The following FHIT variants were observed in gnomAD, a reference collection of about 807,000 sequenced individuals.
The protein encoded by FHIT is fragile histidine triad diadenosine triphosphatase, also known as bis(5'-adenosyl)-triphosphatase.
A neutral mutation model predicts 17.9 loss-of-function variants in FHIT; 19 were observed. That is an observed-to-expected ratio of 1.06 (90% confidence interval 0.74 to 1.56). The LOEUF (loss-of-function observed/expected upper bound fraction) is 1.56, where lower values mean the gene tolerates loss of function less well. Among genes scored for constraint, FHIT ranks in the 40% most tolerant of loss-of-function variants. FHIT has a pLI of 0.00. For missense variants in FHIT, 248 were observed against 189.2 expected (o/e 1.31, Z -1.82); for synonymous variants, 81 against 69.7 (o/e 1.16, Z -0.81).
chr3:61,216,877 A>T (rs940770544), intron 1 of FHIT, among the ~76,000 whole-genome samples: 3 of 152,116 alleles, frequency 2.0e-5, no homozygotes, highest in African/African-American at 4.8e-5. Flanking sequence ...CATCATTCTC[A>T]GTAAACTATC....
intron 5 of FHIT, among the ~76,000 whole-genome samples, chr3:60,233,748 T>C (rs1348607643): frequency 6.6e-6 from 1 of 152,072 alleles, no homozygotes; most frequent in African/African-American, 2.4e-5. Flanking sequence ...AATTGAATCA[T>C]GGGGGCAGGT....
chr3:60,043,110 G>T (rs1027390536), intron 5 of FHIT, among the ~76,000 whole-genome samples: 2 of 152,150 alleles, frequency 1.3e-5, no homozygotes, highest in East Asian at 3.9e-4. Flanking sequence ...AGGACTTTGG[G>T]CTTCTACTTC....
At chr3:60,788,976 C>A (rs1207339923) in intron 4 of FHIT, among the ~76,000 whole-genome samples, 1 of 151,156 alleles carries the variant, frequency 6.6e-6, no homozygotes, top group Non-Finnish European at 1.5e-5. Context: ...ATATGTATCC[C>A]CAGAAGAAAG....
chr3:60,719,111 G>A (rs1170225062), intron 4 of FHIT, among the ~76,000 whole-genome samples: 1 of 152,140 alleles, frequency 6.6e-6, no homozygotes. Flanking sequence ...CTCTCCATTG[G>A]CCTTAGCTCT....
chr3:60,987,467 C>A (rs937422970), intron 3 of FHIT, among the ~76,000 whole-genome samples: 1 of 152,182 alleles, frequency 6.6e-6, no homozygotes, highest in African/African-American at 2.4e-5. Flanking sequence ...ACTAGCCCAA[C>A]CTATTCCTTT....
intron 5 of FHIT, among the ~76,000 whole-genome samples, chr3:60,413,071 A>G (rs1403371965): frequency 6.6e-6 from 1 of 152,116 alleles, no homozygotes; most frequent in Non-Finnish European, 1.5e-5. Flanking sequence ...GCAGTGTGAA[A>G]ATGGACTAAC....
chr3:60,956,904 T>C (rs1360918323), intron 3 of FHIT, among the ~76,000 whole-genome samples: 1 of 142,622 alleles, frequency 7.0e-6, no homozygotes, highest in Non-Finnish European at 1.5e-5. Flanking sequence ...ATTGTGAATA[T>C]TTCAGTTTCG....
At chr3:60,714,281 T>C (rs553710461) in intron 4 of FHIT, among the ~76,000 whole-genome samples, 25 of 152,154 alleles carry the variant, frequency 1.6e-4, no homozygotes, top group Admixed American at 4.6e-4. Flanking sequence ...ATGGGACATA[T>C]CTCAAAATAA....
At chr3:60,581,220 T>C (rs1403781775) in intron 4 of FHIT, among the ~76,000 whole-genome samples, 4 of 152,074 alleles carry the variant, frequency 2.6e-5, no homozygotes, top group Admixed American at 2.6e-4. Context: ...GTAATTCTCA[T>C]CCTCCCCCAC....
intron 5 of FHIT, among the ~76,000 whole-genome samples, chr3:60,029,172 T>C (rs939640191): frequency 2.0e-5 from 3 of 152,208 alleles, no homozygotes; most frequent in Admixed American, 1.3e-4. Flanking sequence ...CTCTGATAAC[T>C]TATAGAGGGT....
At chr3:60,904,492 GA>G (rs1405610767) in intron 3 of FHIT, among the ~76,000 whole-genome samples, 62 of 126,986 alleles carry the variant, frequency 4.9e-4, no homozygotes, top group African/African-American at 1.0e-3. Flanking sequence ...AAAAAAAAAA[GA>G]AAAAAAAAAG....
chr3:59,971,073 A>C (rs1366271499), intron 7 of FHIT, among the ~76,000 whole-genome samples: 1 of 151,976 alleles, frequency 6.6e-6, no homozygotes, highest in Non-Finnish European at 1.5e-5. Context: ...TGAAATTGGG[A>C]ATTAGGACAA....
chr3:60,708,776 T>C (rs1577095684), intron 4 of FHIT, among the ~76,000 whole-genome samples: 1 of 152,308 alleles, frequency 6.6e-6, no homozygotes, highest in African/African-American at 2.4e-5. Flanking sequence ...CCAAAGCTTA[T>C]TCCATGGGAA....
At chr3:61,201,125 T>C (rs2038999281) in intron 1 of FHIT, among the ~76,000 whole-genome samples, 2 of 152,234 alleles carry the variant, frequency 1.3e-5, no homozygotes, top group South Asian at 4.1e-4. Context: ...GTCCTTCTAA[T>C]ATAAACCTCA....
At chr3:59,916,539 A>G (rs1705143751) in intron 8 of FHIT, among the ~76,000 whole-genome samples, 1 of 152,194 alleles carries the variant, frequency 6.6e-6, no homozygotes, top group Non-Finnish European at 1.5e-5. Context: ...TATTATCTGA[A>G]TATTTGTTTC....
Position 61,075,680 on chromosome 3 carries a change from G to A in FHIT, c.-163-33581C>T, listed in dbSNP as rs189206784. On this transcript the variant is annotated intron_variant, in intron 2 of 9. Transcript: ENST00000492590. ...GTATTAATTTCCCACTGTGTAGAAA[G>A]CACTCCATATACATTTTAATACATT... Among the ~76,000 whole-genome samples, 193 of 152,100 alleles carry A rather than the reference G, an allele frequency of 1.3e-3. 2 individuals carry two copies. Among genetic ancestry groups the A allele is most frequent in the African/African-American group, 4.5e-3 (186 of 41,532 alleles).
intron 8 of FHIT, among the ~76,000 whole-genome samples, chr3:59,824,152 T>C (rs1700895380): frequency 6.6e-6 from 1 of 152,172 alleles, no homozygotes; most frequent in African/African-American, 2.4e-5. Flanking sequence ...TGAAAGAGTG[T>C]ACAAGGAAAA....
chr3:61,011,452 C>T (rs1040664668), intron 3 of FHIT, among the ~76,000 whole-genome samples: 1 of 152,038 alleles, frequency 6.6e-6, no homozygotes, highest in Admixed American at 6.6e-5. Context: ...TATTGAAATC[C>T]TCAGAACATA....
chr3:60,803,927 C>T (rs781871706), intron 4 of FHIT, among the ~76,000 whole-genome samples: 1 of 152,194 alleles, frequency 6.6e-6, no homozygotes, highest in Non-Finnish European at 1.5e-5. Context: ...TATTTAAAGA[C>T]TGATTCATGA....
Sources: gnomAD v4.1 joint callset for allele counts (sites outside exome capture counted in the v4.1 genomes callset) on GRCh38, gnomAD v4.1.1 for gene constraint, MANE v1.5 for transcripts, NCBI Gene and HGNC (gene_info 2026-07-23, HGNC 2026-07-21) for gene names.